SLC39A14: variants seen among roughly 807,000 people sequenced by gnomAD.
SLC39A14 encodes solute carrier family 39 member 14, also known as metal cation symporter ZIP14.
A neutral mutation model predicts 45.5 loss-of-function variants in SLC39A14; 19 were observed. The observed-to-expected ratio is 0.42, with a 90% CI of 0.29 to 0.61. The LOEUF is 0.61. Ranked by LOEUF, SLC39A14 falls within the 20% of genes least tolerant of loss-of-function variation. The pLI is 0.22. For synonymous variants in SLC39A14, 264 were observed against 251.3 expected (o/e 1.05, Z -0.48); for missense variants, 447 against 616.5 (o/e 0.73, Z 2.91).
At chr8:22,431,888 A>T (rs1836472430) in intron 8 of SLC39A14, among the ~76,000 whole-genome samples, 1 of 152,220 alleles carries the variant, frequency 6.6e-6, no homozygotes, top group South Asian at 2.1e-4. Context: ...TTGTTATGGA[A>T]AACAATTGTT....
At chr8:22,374,601 T>C (rs1218541485) in intron 1 of SLC39A14, among the ~76,000 whole-genome samples, 2 of 151,842 alleles carry the variant, frequency 1.3e-5, no homozygotes, top group Non-Finnish European at 2.9e-5. Flanking sequence ...GTGAGGTAGC[T>C]GGAAATGTAC....
Position 22,404,734 on chromosome 8 carries a change from G to T in SLC39A14, c.24G>T (p.Pro8=), listed in dbSNP as rs112568651. The change falls in exon 2 of 9, where the codon CCG becomes CCT. Residue 8 remains proline (P), a synonymous_variant. Transcript: ENST00000381237. MKLLLLH[P]AFQSCLLLTL... ...CCATGAAGCTGCTGCTGCTGCACCC[G>T]GCCTTCCAGAGCTGCCTCCTGCTGA... 22 of 1,613,372 alleles carry T rather than the reference G, an allele frequency of 1.4e-5. No individual in the cohort carries two copies. In the Admixed American group the frequency reaches 3.2e-4, roughly 23 times the overall value.
At chr8:22,432,750 C>T (rs7831662) in intron 8 of SLC39A14, among the ~76,000 whole-genome samples, 44,248 of 144,884 alleles carry the variant, frequency 0.31, 7,243 homozygotes, top group East Asian at 0.49. Context: ...CAGGTTCAAG[C>T]GATTCTCCTG....
At chr8:22,404,643 G>A in intron 1 of SLC39A14, 53 bp from the exon 2 acceptor site, 2 of 1,558,170 alleles carry the variant, frequency 1.3e-6, no homozygotes, top group East Asian at 2.3e-5. Flanking sequence ...GCCTGGCGCA[G>A]TTGCCGGCAC....
Position 22,415,834 on chromosome 8 carries a change from G to C in SLC39A14, c.816G>C (p.Gly272=). The change falls in exon 6 of 9, where the codon GGG becomes GGC. Residue 272 remains glycine, a synonymous_variant. Transcript: ENST00000381237. ...SLPSKKDQEE[G]VMEKLQNGDL... ...CCTCCAAGAAGGACCAGGAGGAGGG[G>C]GTGATGGAGAAGCTGCAGAACGGGG... 6.2e-7 allele frequency: 1 copy of C among 1,613,740 alleles called. No individual in the cohort carries two copies. Among genetic ancestry groups the C allele is most frequent in the Non-Finnish European group, 8.5e-7 (1 of 1,179,920 alleles).
intron 8 of SLC39A14, among the ~76,000 whole-genome samples, chr8:22,430,564 A>T (rs1243893620): frequency 6.6e-6 from 1 of 152,172 alleles, no homozygotes; most frequent in Non-Finnish European, 1.5e-5. Context: ...TTACCTGTGG[A>T]ACCACCAAAT....
chr8:22,409,978 A>T, intron 3 of SLC39A14: 1 of 1,614,004 alleles, frequency 6.2e-7, no homozygotes, highest in Non-Finnish European at 8.5e-7. Flanking sequence ...TGTCTCACTG[A>T]TTAACCTGGC....
At chr8:22,394,955 A>G (rs1289386663) in intron 1 of SLC39A14, among the ~76,000 whole-genome samples, 3 of 151,800 alleles carry the variant, frequency 2.0e-5, no homozygotes, top group African/African-American at 7.2e-5. Flanking sequence ...AGAAGAAGGC[A>G]GTTTGAATTT....
intron 4 of SLC39A14, among the ~76,000 whole-genome samples, 174 bp downstream of exon 4, chr8:22,412,380 T>C (rs1363818196): frequency 6.6e-6 from 1 of 152,142 alleles, no homozygotes; most frequent in Non-Finnish European, 1.5e-5. Context: ...AAGAGCTGGG[T>C]TCAAATCTCA....
intron 4 of SLC39A14, among the ~76,000 whole-genome samples, chr8:22,412,736 G>C (rs1424318791): frequency 6.6e-6 from 1 of 152,134 alleles, no homozygotes; most frequent in African/African-American, 2.4e-5. Context: ...TTGAAGTCAG[G>C]AGTTCAAGAC....
chr8:22,412,238 A>G, intron 4 of SLC39A14, 32 bp downstream of exon 4: 4 of 1,548,088 alleles, frequency 2.6e-6, no homozygotes, highest in Non-Finnish European at 3.5e-6. Context: ...ACCCCGGAGC[A>G]TGCCGGCGGG....
At chr8:22,379,440 C>G (rs1364537980) in intron 1 of SLC39A14, 2 of 152,234 alleles carry the variant, frequency 1.3e-5, no homozygotes, top group Non-Finnish European at 2.9e-5. Context: ...AGAAGGCAAG[C>G]TTGGCTGCTG....
intron 1 of SLC39A14, among the ~76,000 whole-genome samples, chr8:22,394,701 C>T (rs570493893): frequency 5.3e-5 from 8 of 152,252 alleles, no homozygotes; most frequent in South Asian, 2.1e-4. Context: ...CTGAGCTCTC[C>T]GTATTTCCAT....
intron 1 of SLC39A14, among the ~76,000 whole-genome samples, chr8:22,403,677 G>A (rs1835020010): frequency 1.3e-5 from 2 of 151,774 alleles, no homozygotes; most frequent in African/African-American, 4.8e-5. Flanking sequence ...CCAGCAGTTT[G>A]GGAGGCCGAG....
chr8:22,422,007 C>CT lies in SLC39A14; in HGVS notation c.*2310dup, dbSNP rs1401000833. ...GGAGGGGCGGAGACGCTCACATCGT[C>CT]TGACTTGAGTCGCCACTGATTGTGG... On this transcript the variant is annotated 3_prime_UTR_variant, in exon 9 of 9. Coordinates refer to ENST00000381237, the MANE Select transcript of SLC39A14 (RefSeq NM_001128431.4). 1.0e-6 allele frequency: 1 copy of CT among 985,328 alleles called. No homozygotes were observed. The highest frequency in any genetic ancestry group is 1.7e-5 in the African/African-American group (1 of 57,238). 61.0% of individuals were successfully genotyped at this position (985,328 alleles called of 1,614,324 possible). A position where few individuals can be genotyped will look rare whatever the true frequency, so the allele number is the denominator to read the frequency against.
At chr8:22,429,920 G>A (rs1048338409) in intron 8 of SLC39A14, among the ~76,000 whole-genome samples, 2 of 152,242 alleles carry the variant, frequency 1.3e-5, no homozygotes, top group Admixed American at 6.5e-5. Flanking sequence ...TGACATCTGA[G>A]TTGAGCTTTG....
In SLC39A14 at chr8:22,409,802, A is replaced by T. The variant is rs535864456; in HGVS notation, c.457+1306A>T. On this transcript the variant is annotated intron_variant, in intron 3 of 8. Transcript: ENST00000381237. ...GCTTCTCCGCAGCATCTGGTGAGAG[A>T]TGGACTCAGCAAATGTTTACTGATG... 100 of 780,372 alleles carry T rather than the reference A, an allele frequency of 1.3e-4. No individual in the cohort carries two copies. In the African/African-American group the frequency reaches 1.5e-3, roughly 12 times the overall value. The allele number at this position is 780,372 out of a possible 1,614,324, so 48.3% of individuals were successfully genotyped here. A position where few individuals can be genotyped will look rare whatever the true frequency, so the allele number is the denominator to read the frequency against.
chr8:22,397,502 C>T lies in SLC39A14; in HGVS notation c.-15-7194C>T, dbSNP rs996080746. On this transcript the variant is annotated intron_variant, in intron 1 of 8. Transcript: ENST00000381237. ...CTGAGGCGGGAGAATGGCGTGAACC[C>T]GGGAGGCGGAGCTTGCAGTGAGCCG... Among the ~76,000 whole-genome samples, 21 of 151,970 alleles carry T rather than the reference C, an allele frequency of 1.4e-4. 1 individual carries two copies. The highest frequency in any genetic ancestry group is 2.1e-4 in the Non-Finnish European group (14 of 67,978).
chr8:22,382,960 C>T (rs28712129), intron 1 of SLC39A14, among the ~76,000 whole-genome samples: 3 of 151,974 alleles, frequency 2.0e-5, no homozygotes, highest in African/African-American at 7.3e-5. Context: ...TCAAGCCATC[C>T]ACCCGCATCG....
Sources: gnomAD v4.1 joint callset for allele counts (sites outside exome capture counted in the v4.1 genomes callset) on GRCh38, gnomAD v4.1.1 for gene constraint, MANE v1.5 for transcripts, NCBI Gene and HGNC (gene_info 2026-07-23, HGNC 2026-07-21) for gene names.